Variants in RBM44 observed in about 807,000 individuals in gnomAD.
RBM44 encodes the protein RNA-binding protein 44.
In RBM44, 66 loss-of-function variants were observed where a neutral mutation model predicts 105.1. The observed-to-expected ratio is 0.63, with a 90% CI of 0.52 to 0.77. The LOEUF (loss-of-function observed/expected upper bound fraction) is 0.77, where lower values mean the gene tolerates loss of function less well. Ranked by LOEUF, RBM44 falls within the 30% of genes least tolerant of loss-of-function variation. The pLI, the probability that RBM44 is intolerant of heterozygous loss-of-function variation, is 0.00. For synonymous variants in RBM44, 365 were observed against 417.6 expected, an observed-to-expected ratio of 0.87 and a Z score of 1.54; for missense variants, 1,122 against 1,207.8, an observed-to-expected ratio of 0.93 and a Z score of 1.05.
chr2:237,817,852 TAA>T lies in RBM44; in HGVS notation c.934_935del (p.Lys312GlufsTer17). 1 of 1,611,660 alleles carries T rather than the reference TAA, an allele frequency of 6.2e-7. No homozygotes were observed. The highest frequency in any genetic ancestry group is 8.5e-7 in the Non-Finnish European group (1 of 1,179,030). ...CTCCAGGAAACCAGGAATCTCAATC[TAA>T]GAGTGGTTCCTTGAGCCCTCAAAAA... is the stretch of plus-strand genomic sequence containing the variant. ...NSPGNQESQS[K>X]SGSLSPQKVL... On this transcript the variant is annotated frameshift_variant, in exon 3 of 16. Coordinates refer to ENST00000316997, the MANE Select transcript of RBM44 (RefSeq NM_001080504.3). LOFTEE classifies it high-confidence loss of function.
chr2:237,839,928 C>T (rs889966514), intron 15 of RBM44, among the ~76,000 whole-genome samples: 4 of 152,126 alleles, frequency 2.6e-5, no homozygotes, highest in Non-Finnish European at 5.9e-5. Flanking sequence ...GAGGGGGTGG[C>T]TCACGCCAGT....
At chr2:237,835,763 C>T (rs909488263) in intron 15 of RBM44, among the ~76,000 whole-genome samples, 1 of 119,282 alleles carries the variant, frequency 8.4e-6, no homozygotes, top group African/African-American at 2.9e-5. Flanking sequence ...AGAAATAAGC[C>T]ATCTTTTTTT....
chr2:237,827,614 G>A, intron 12 of RBM44, 111 bp downstream of exon 12: 1 of 670,372 alleles, frequency 1.5e-6, no homozygotes, highest in Admixed American at 2.8e-5. Flanking sequence ...TATTCTCACA[G>A]GGTTTCACAG....
chr2:237,817,793 A>G lies in RBM44; in HGVS notation c.874A>G (p.Thr292Ala), dbSNP rs1305201763. ...KEQETNSMYH[T>A]VFDGSVLRSN... is the part of the protein sequence containing the mutation. The stretch of plus-strand genomic sequence containing the variant: ...ACAAGAGACTAATTCAATGTACCAC[A>G]CTGTATTTGATGGCAGTGTACTAAG... Residue 292 changes from threonine (T) to alanine (A), a missense_variant, in exon 3 of 16, where the codon ACT becomes GCT. Transcript: ENST00000316997. The G allele has an allele frequency of 5.6e-6, 9 of 1,611,822 alleles. No homozygotes were observed. The highest frequency in any genetic ancestry group is 3.3e-5 in the South Asian group (3 of 90,954).
At chr2:237,821,973 A>T (rs1226478269) in intron 8 of RBM44, 146 bp downstream of exon 8, 2 of 608,438 alleles carry the variant, frequency 3.3e-6, no homozygotes, top group East Asian at 2.9e-5. Flanking sequence ...ATAACTGATT[A>T]TAATGATATA....
At position 237,817,208 on chromosome 2, in the gene RBM44, A is replaced by G; in HGVS notation, c.289A>G (p.Ser97Gly). ...CACAGAGAGTACTCAGTTTCAGTCA[A>G]GTGAACTTGAAGACAGTACTGACTA... Reference protein sequence around the residue: ...TNTESTQFQSSELEDSTDYAF... With the variant: ...TNTESTQFQSGELEDSTDYAF... The change falls in exon 3 of 16, where the codon AGT becomes GGT. Residue 97 changes from serine (S) to glycine (G), a missense_variant. Transcript: ENST00000316997. 6.2e-7 allele frequency: 1 copy of G among 1,601,824 alleles called. No individual in the cohort carries two copies. Among genetic ancestry groups the G allele is most frequent in the Non-Finnish European group, 8.5e-7 (1 of 1,175,094 alleles).
At position 237,841,453 on chromosome 2, in the gene RBM44, T is replaced by C. The variant is rs2062010978; in HGVS notation, c.*23-386T>C. Among the ~76,000 whole-genome samples, 1 of 152,102 alleles carries C rather than the reference T, an allele frequency of 6.6e-6. No homozygotes were observed. The highest frequency in any genetic ancestry group is 2.4e-5 in the African/African-American group (1 of 41,426). On this transcript the variant is annotated intron_variant, in intron 15 of 15. Coordinates refer to ENST00000316997, the MANE Select transcript of RBM44 (RefSeq NM_001080504.3). The surrounding 1 kb of genome is among the most constrained non-coding windows in gnomAD (Gnocchi z 4.5). ...AGGAGGAGGGTGAGGATCAAAACAC[T>C]ACCTATCTGGTACCACGCTTATTAC...
chr2:237,830,358 C>T (rs1164611800), intron 13 of RBM44, among the ~76,000 whole-genome samples: 1 of 151,982 alleles, frequency 6.6e-6, no homozygotes, highest in African/African-American at 2.4e-5. Context: ...AAGTCCTTTA[C>T]CAGATAGGTG....
chr2:237,834,431 A>G lies in RBM44; in HGVS notation c.*22+8A>G. The G allele has an allele frequency of 7.2e-7, 1 of 1,383,386 alleles. No individual in the cohort carries two copies. Among genetic ancestry groups the G allele is most frequent in the Non-Finnish European group, 9.7e-7 (1 of 1,034,950 alleles). 85.7% of individuals were successfully genotyped at this position (1,383,386 alleles called of 1,614,324 possible). On this transcript the variant is annotated splice_region_variant and intron_variant, in intron 15 of 15. Coordinates refer to ENST00000316997, the MANE Select transcript of RBM44 (RefSeq NM_001080504.3). ...TCAAAAAACAATAAAGAGGTAAAGT[A>G]ATCATATTCTTTTGTATTTGAATAT...
intron 2 of RBM44, 60 bp downstream of exon 2, chr2:237,813,742 C>T (rs1316531277): frequency 3.6e-6 from 4 of 1,124,762 alleles, no homozygotes; most frequent in Non-Finnish European, 4.1e-6. Flanking sequence ...ATGTATTGTG[C>T]CAGACAGTTT....
chr2:237,821,359 A>G lies in RBM44; in HGVS notation c.2111A>G (p.Glu704Gly), dbSNP rs776113663. ...CTCTCCTTCCAGCTAATGAAAAAAG[A>G]AACACATGTGTGAGTTATGGTTTCA... ...STFASRLMKK[E>G]THVFSEADAE... The change falls in exon 7 of 16, where the codon GAA becomes GGA. Residue 704 changes from glutamate (E) to glycine (G), a missense_variant. Glu to Gly is a moderately conservative substitution (Grantham distance 98, BLOSUM62 -2). This residue lies in a region of RBM44 where 918 missense variants were observed against 955.3 expected (regional missense o/e 0.96). Transcript: ENST00000316997. 31 of 1,561,898 alleles carry G rather than the reference A, an allele frequency of 2.0e-5. No individual in the cohort carries two copies. The highest frequency in any genetic ancestry group is 4.1e-5 in the African/African-American group (3 of 73,306).
At chr2:237,812,597 T>C (rs12474573) in intron 1 of RBM44, among the ~76,000 whole-genome samples, 28,201 of 152,068 alleles carry the variant, frequency 0.19, 2,832 homozygotes, top group Middle Eastern at 0.32. Context: ...ATTGAAATAA[T>C]TCAGAGTTAA....
chr2:237,805,870 G>A (rs1256574317), intron 1 of RBM44, among the ~76,000 whole-genome samples: 1 of 152,022 alleles, frequency 6.6e-6, no homozygotes, highest in African/African-American at 2.4e-5. Context: ...GGGGGTAGGT[G>A]GGGGAGTGCT....
intron 15 of RBM44, among the ~76,000 whole-genome samples, chr2:237,835,057 T>G (rs2061944969): frequency 6.6e-6 from 1 of 152,220 alleles, no homozygotes; most frequent in African/African-American, 2.4e-5. Context: ...GTGTCACATT[T>G]TGGTAATTCA....
intron 13 of RBM44, among the ~76,000 whole-genome samples, chr2:237,832,390 G>T (rs2061912830): frequency 6.6e-6 from 1 of 152,166 alleles, no homozygotes; most frequent in African/African-American, 2.4e-5. Context: ...CTGTCCTCAA[G>T]TGATCCTTCC....
chr2:237,808,938 G>C (rs539456194), intron 1 of RBM44, among the ~76,000 whole-genome samples: 1 of 152,222 alleles, frequency 6.6e-6, no homozygotes, highest in South Asian at 2.1e-4. Flanking sequence ...ATATATGCCA[G>C]CTTTCTTCCA....
intron 13 of RBM44, among the ~76,000 whole-genome samples, chr2:237,831,203 G>T (rs185276349): frequency 6.9e-4 from 88 of 126,718 alleles, no homozygotes; most frequent in African/African-American, 2.4e-3. Context: ...ACTTGACTTT[G>T]CATTCCTTTA....
At chr2:237,799,490 T>G (rs950052949) in intron 1 of RBM44, 1 of 152,204 alleles carries the variant, frequency 6.6e-6, no homozygotes, top group African/African-American at 2.4e-5. Flanking sequence ...GAGACGGGGT[T>G]TCAACGTGTT....
In RBM44 at chr2:237,818,125, T is replaced by G. The variant is rs375799855; in HGVS notation, c.1206T>G (p.Thr402=). The G allele has an allele frequency of 3.0e-5, 48 of 1,613,196 alleles. No individual in the cohort carries two copies. Among genetic ancestry groups the G allele is most frequent in the Non-Finnish European group, 3.8e-5 (45 of 1,179,500 alleles). ...GATATTATGAAAGCCTACAAAACACTGCTGACTCAGCCTTAGATTTTTCTG... is the reference window on the plus strand; with the variant it reads ...GATATTATGAAAGCCTACAAAACACGGCTGACTCAGCCTTAGATTTTTCTG... ...ACGYYESLQN[T]ADSALDFSAM... is the part of the protein sequence containing the mutation. The change falls in exon 3 of 16, where the codon ACT becomes ACG. Residue 402 remains threonine, a synonymous_variant. Transcript: ENST00000316997. The surrounding 1 kb of genome is among the most constrained non-coding windows in gnomAD (Gnocchi z 4.6).
Sources: gnomAD v4.1 joint callset for allele counts (sites outside exome capture counted in the v4.1 genomes callset) on GRCh38, gnomAD v4.1.1 for gene constraint, gnomAD v4.1.1 regional missense constraint, Gnocchi (gnomAD v3.1) non-coding constraint, MANE v1.5 for transcripts, NCBI Gene and HGNC (gene_info 2026-07-23, HGNC 2026-07-21) for gene names.